The following IKZF5 variants were observed in gnomAD, a reference collection of about 807,000 sequenced individuals.
The protein encoded by IKZF5 is IKAROS family zinc finger 5, also known as zinc finger protein Pegasus.
A neutral mutation model predicts 30.7 loss-of-function variants in IKZF5; 4 were observed. That is an observed-to-expected ratio of 0.13 (90% CI 0.06 to 0.30). IKZF5 has a LOEUF of 0.30. IKZF5 is among the 10% of genes least tolerant of loss of function. The pLI, the probability that IKZF5 is intolerant of heterozygous loss-of-function variation, is 1.00. For missense variants in IKZF5, 348 were observed against 525.5 expected, an observed-to-expected ratio of 0.66 and a Z score of 3.30; for synonymous variants, 148 against 179.6, an observed-to-expected ratio of 0.82 and a Z score of 1.41.
intron 2 of IKZF5, among the ~76,000 whole-genome samples, chr10:123,004,533 C>T (rs1256150242): frequency 6.6e-6 from 1 of 151,788 alleles, no homozygotes; most frequent in East Asian, 1.9e-4. Context: ...CATATTTTGA[C>T]AGTCTTGGCT....
chr10:122,991,227 A>T lies in IKZF5; in HGVS notation c.*2553T>A, dbSNP rs1368580041. 1 of 152,214 alleles carries T rather than the reference A, an allele frequency of 6.6e-6. No individual in the cohort carries two copies. The highest frequency in any genetic ancestry group is 2.4e-5 in the African/African-American group (1 of 41,452). 9.4% of individuals were successfully genotyped at this position (152,214 alleles called of 1,614,324 possible). On this transcript the variant is annotated 3_prime_UTR_variant, in exon 5 of 5. Coordinates refer to ENST00000368886, the MANE Select transcript of IKZF5 (RefSeq NM_001372123.1). ...TGGAAACACCCAGTGGAATTTTTTC[A>T]AAGTAAATGTCTAGCCTTAACTTGA...
chr10:123,005,906 T>C (rs576484940), intron 2 of IKZF5, among the ~76,000 whole-genome samples: 1 of 152,328 alleles, frequency 6.6e-6, no homozygotes, highest in Non-Finnish European at 1.5e-5. Context: ...AACTAAGATA[T>C]CTAATCATAT....
chr10:122,997,267 A>G (rs1296708924), intron 3 of IKZF5: 1 of 152,206 alleles, frequency 6.6e-6, no homozygotes, highest in African/African-American at 2.4e-5. Context: ...GGTCTACTCC[A>G]TTTCAGGAGG....
Position 122,998,550 on chromosome 10 carries a change from C to T in IKZF5, c.76G>A (p.Val26Met), listed in dbSNP as rs1447858623. Residue 26 changes from valine (V) to methionine (M), a missense_variant, in exon 3 of 5, where the codon GTG becomes ATG. Transcript: ENST00000368886. ...QEYLTQQTHH[V>M]NMISGSVSGD... ...CTAACTGATCCAGAAATCATGTTCA[C>T]GTGATGGGTCTGCTGAGTCAGGTAT... The T allele has an allele frequency of 1.9e-6, 3 of 1,613,632 alleles. No individual in the cohort carries two copies. Among genetic ancestry groups the T allele is most frequent in the Non-Finnish European group, 2.5e-6 (3 of 1,179,750 alleles).
rs549400759 is a variant in IKZF5, at chr10:122,991,283, T to C, written c.*2497A>G. On this transcript the variant is annotated 3_prime_UTR_variant, in exon 5 of 5. Transcript: ENST00000368886. ...AAGAAGTTGTAGCTACATACTACAT[T>C]AGTAAAATCTGAAATAAAATTATTC... 1 of 152,330 alleles carries C rather than the reference T, an allele frequency of 6.6e-6. No individual in the cohort carries two copies. The highest frequency in any genetic ancestry group is 2.1e-4 in the South Asian group (1 of 4,834). 9.4% of individuals were successfully genotyped at this position (152,330 alleles called of 1,614,324 possible). A position where few individuals can be genotyped will look rare whatever the true frequency, so the allele number is the denominator to read the frequency against.
In IKZF5 at chr10:122,991,378, C is replaced by T. The variant is rs1459617942; in HGVS notation, c.*2402G>A. 1 of 152,138 alleles carries T rather than the reference C, an allele frequency of 6.6e-6. No homozygotes were observed. The highest frequency in any genetic ancestry group is 1.5e-5 in the Non-Finnish European group (1 of 68,004). 9.4% of individuals were successfully genotyped at this position (152,138 alleles called of 1,614,324 possible). On this transcript the variant is annotated 3_prime_UTR_variant, in exon 5 of 5. Transcript: ENST00000368886. The stretch of plus-strand genomic sequence containing the variant: ...TAAATTATCTACCAACTTTAAAAAT[C>T]TAAACTTATGTTCACTGAACAAAAA...
In IKZF5 at chr10:122,994,215, A is replaced by G; in HGVS notation, c.825T>C (p.Pro275=). The change falls in exon 5 of 5, where the codon CCT becomes CCC. Residue 275 remains proline (P), a synonymous_variant. Coordinates refer to ENST00000368886, the MANE Select transcript of IKZF5 (RefSeq NM_001372123.1). This position sits in a 1 kb window ranked among gnomAD's most constrained non-coding sequence, Gnocchi z 5.6. The part of the protein sequence containing the change: ...LPPENQNPAS[P]DVVPCPDEKP... ...TTTCATCAGGGCAGGGAACTACATC[A>G]GGGGATGCAGGGTTTTGGTTTTCGG... is the stretch of plus-strand genomic sequence containing the variant. 6.2e-7 allele frequency: 1 copy of G among 1,614,062 alleles called. No homozygotes were observed. The highest frequency in any genetic ancestry group is 8.5e-7 in the Non-Finnish European group (1 of 1,180,020).
chr10:122,996,837 G>A (rs529963178), intron 3 of IKZF5, among the ~76,000 whole-genome samples: 2 of 152,342 alleles, frequency 1.3e-5, no homozygotes, highest in Admixed American at 1.3e-4. Context: ...ACACACAGGT[G>A]TTTAGCACCC....
chr10:123,000,915 A>C (rs1849557208), intron 2 of IKZF5, among the ~76,000 whole-genome samples: 1 of 151,886 alleles, frequency 6.6e-6, no homozygotes, highest in Non-Finnish European at 1.5e-5. Context: ...GTCTTTTTCT[A>C]ATATGGAAGA....
At chr10:123,002,498 G>C (rs1486864214) in intron 2 of IKZF5, among the ~76,000 whole-genome samples, 1 of 137,738 alleles carries the variant, frequency 7.3e-6, no homozygotes, top group Non-Finnish European at 1.6e-5. Context: ...CCAGCCTGGC[G>C]ACAGAGCAAA....
intron 2 of IKZF5, among the ~76,000 whole-genome samples, chr10:122,998,930 G>A (rs887585187): frequency 6.6e-6 from 1 of 152,076 alleles, no homozygotes; most frequent in Non-Finnish European, 1.5e-5. Context: ...GAGAAAACAA[G>A]TTCAGATTAA....
chr10:123,008,459 C>A (rs1849904098), intron 1 of IKZF5: 1 of 160,964 alleles, frequency 6.2e-6, no homozygotes, highest in Non-Finnish European at 1.4e-5. Flanking sequence ...CAGCAGGAGA[C>A]CCCGCTCCCT....
At chr10:123,003,981 T>C (rs1849696044) in intron 2 of IKZF5, among the ~76,000 whole-genome samples, 1 of 152,234 alleles carries the variant, frequency 6.6e-6, no homozygotes, top group African/African-American at 2.4e-5. Flanking sequence ...GTTGTTTTTT[T>C]CCCCATCTTA....
chr10:123,005,418 G>A (rs1410774224), intron 2 of IKZF5, among the ~76,000 whole-genome samples: 12 of 152,116 alleles, frequency 7.9e-5, no homozygotes, highest in Non-Finnish European at 5.9e-5. Flanking sequence ...CAATACCTTG[G>A]TGTTTGTTAG....
chr10:122,994,505 A>C lies in IKZF5; in HGVS notation c.535T>G (p.Trp179Gly). The change falls in exon 5 of 5, where the codon TGG (tryptophan) becomes GGG (glycine). Residue 179 changes from tryptophan to glycine, a missense_variant. Physicochemically the swap from Trp to Gly is radical, Grantham distance 184 (BLOSUM62 -2). This residue lies in a region of IKZF5 where 176 missense variants were observed against 198.2 expected (regional missense o/e 0.89). Transcript: ENST00000368886. The surrounding 1 kb of genome is among the most constrained non-coding windows in gnomAD (Gnocchi z 5.6). The part of the protein sequence containing the change: ...TRSSLSSKKM[W>G]GVLQKKTSNL... Reference sequence around the variant, plus strand: ...CTTGTTTTCTTCTGTAAAACCCCCCACATTTTCTTGCTGCTTAAGGAAGAC... The same window carrying C: ...CTTGTTTTCTTCTGTAAAACCCCCCCCATTTTCTTGCTGCTTAAGGAAGAC... 6.2e-7 allele frequency: 1 copy of C among 1,614,008 alleles called. No homozygotes were observed. Among genetic ancestry groups the C allele is most frequent in the Non-Finnish European group, 8.5e-7 (1 of 1,179,962 alleles).
chr10:122,997,971 G>A (rs1477717355), intron 3 of IKZF5, among the ~76,000 whole-genome samples: 5 of 152,158 alleles, frequency 3.3e-5, no homozygotes, highest in East Asian at 1.9e-4. Context: ...TCCGAGCTAG[G>A]TTAGGAATAA....
chr10:122,999,770 G>A (rs1342167367), intron 2 of IKZF5, among the ~76,000 whole-genome samples: 2 of 152,180 alleles, frequency 1.3e-5, no homozygotes, highest in Non-Finnish European at 2.9e-5. Context: ...TGTGTGTTCT[G>A]CAATCACAAG....
chr10:122,994,076 T>A lies in IKZF5; in HGVS notation c.964A>T (p.Arg322Trp). 1 of 1,614,104 alleles carries A rather than the reference T, an allele frequency of 6.2e-7. No individual in the cohort carries two copies. Among genetic ancestry groups the A allele is most frequent in the Non-Finnish European group, 8.5e-7 (1 of 1,180,018 alleles). Residue 322 changes from arginine (R) to tryptophan (W), a missense_variant, in exon 5 of 5, where the codon AGG becomes TGG. By Grantham distance (101) the Arg-to-Trp change is moderately radical (BLOSUM62 -3). This residue lies in a region of IKZF5 where 176 missense variants were observed against 198.2 expected (regional missense o/e 0.89). Transcript: ENST00000368886. This position sits in a 1 kb window ranked among gnomAD's most constrained non-coding sequence, Gnocchi z 5.6. ...SPEPRPSHSQ[R>W]NYSPVAGPSS... ...GGACCTGCCACTGGACTATAGTTCCTTTGACTATGGGATGGCCGAGGTTCT... is the reference window on the plus strand; with the variant it reads ...GGACCTGCCACTGGACTATAGTTCCATTGACTATGGGATGGCCGAGGTTCT...
In IKZF5 at chr10:122,993,618, GA is replaced by G. The variant is rs1314943192; in HGVS notation, c.*161del. 2.6e-5 allele frequency: 13 copies of G among 501,988 alleles called. No homozygotes were observed. The highest frequency in any genetic ancestry group is 3.7e-5 in the Admixed American group (1 of 26,794). 31.1% of individuals were successfully genotyped at this position (501,988 alleles called of 1,614,324 possible). ...TAAATGACCCTGACCAGATTTTTAT[GA>G]AAAAAAGGGGAAATTTTATTCCACT... On this transcript the variant is annotated 3_prime_UTR_variant, in exon 5 of 5. Coordinates refer to ENST00000368886, the MANE Select transcript of IKZF5 (RefSeq NM_001372123.1).
Sources: gnomAD v4.1 joint callset for allele counts (sites outside exome capture counted in the v4.1 genomes callset) on GRCh38, gnomAD v4.1.1 for gene constraint, gnomAD v4.1.1 regional missense constraint, Gnocchi (gnomAD v3.1) non-coding constraint, MANE v1.5 for transcripts, NCBI Gene and HGNC (gene_info 2026-07-23, HGNC 2026-07-21) for gene names.